The following GALNTL6 variants were observed in gnomAD, a reference collection of about 807,000 sequenced individuals.
The protein encoded by GALNTL6 is polypeptide N-acetylgalactosaminyltransferase like 6.
A neutral mutation model predicts 73.7 loss-of-function variants in GALNTL6; 46 were observed. That is an observed-to-expected ratio of 0.62 (90% CI 0.49 to 0.80). GALNTL6 has a LOEUF of 0.80. Among genes scored for constraint, GALNTL6 ranks in the 30% least tolerant of loss-of-function variants. GALNTL6 has a pLI of 0.00. For missense variants in GALNTL6, 604 were observed against 755.0 expected (o/e 0.80, Z 2.34); for synonymous variants, 259 against 263.7 (o/e 0.98, Z 0.17).
chr4:172,247,217 CAATT>C, intron 3 of GALNTL6, among the ~76,000 whole-genome samples: 1 of 152,130 alleles, frequency 6.6e-6, no homozygotes, highest in Non-Finnish European at 1.5e-5. Flanking sequence ...GCTGCACTGA[CAATT>C]GATGTTTGAC....
chr4:172,369,185 G>A (rs967233231), intron 5 of GALNTL6, among the ~76,000 whole-genome samples: 1 of 152,118 alleles, frequency 6.6e-6, no homozygotes, highest in Non-Finnish European at 1.5e-5. Flanking sequence ...GCTGATTGGT[G>A]CATTTACAAT....
At chr4:172,497,606 T>C (rs1247488373) in intron 5 of GALNTL6, among the ~76,000 whole-genome samples, 1 of 152,262 alleles carries the variant, frequency 6.6e-6, no homozygotes, top group Non-Finnish European at 1.5e-5. Context: ...CTTTCTGTCA[T>C]ACAGAGCAGA....
In GALNTL6 at chr4:172,901,526, C is replaced by T. The variant is rs182128818; in HGVS notation, c.1041+18619C>T. On this transcript the variant is annotated intron_variant, in intron 8 of 12. Coordinates refer to ENST00000506823, the MANE Select transcript of GALNTL6 (RefSeq NM_001034845.3). ...TGAGAGTTTACTAGCCGATTTTAGG[C>T]CATAATATAGAAATTAAGTCCAGAA... Among the ~76,000 whole-genome samples, 39 of 152,146 alleles carry T rather than the reference C, an allele frequency of 2.6e-4. No homozygotes were observed. In the East Asian group the frequency reaches 5.6e-3, roughly 22 times the overall value.
intron 4 of GALNTL6, among the ~76,000 whole-genome samples, chr4:172,345,513 T>C (rs910677401): frequency 6.6e-6 from 1 of 152,188 alleles, no homozygotes; most frequent in Non-Finnish European, 1.5e-5. Context: ...TAAAAACTTA[T>C]TTAAAAGTAT....
intron 2 of GALNTL6, among the ~76,000 whole-genome samples, chr4:171,975,588 A>C (rs1739697151): frequency 6.6e-6 from 1 of 152,158 alleles, no homozygotes; most frequent in African/African-American, 2.4e-5. Context: ...GACATACTAG[A>C]GAAAAGCAAA....
intron 2 of GALNTL6, among the ~76,000 whole-genome samples, chr4:171,971,618 A>G (rs1291541744): frequency 6.6e-6 from 1 of 152,158 alleles, no homozygotes; most frequent in East Asian, 1.9e-4. Flanking sequence ...CCTCTCCAAA[A>G]CATAATTGCC....
intron 2 of GALNTL6, among the ~76,000 whole-genome samples, chr4:172,066,096 A>T (rs1731354409): frequency 6.6e-6 from 1 of 152,192 alleles, no homozygotes; most frequent in African/African-American, 2.4e-5. Context: ...TTGACACATC[A>T]TTATCACCCA....
At chr4:173,033,365 C>T (rs553246743) in intron 12 of GALNTL6, among the ~76,000 whole-genome samples, 24 of 139,710 alleles carry the variant, frequency 1.7e-4, no homozygotes, top group Admixed American at 1.4e-3. Context: ...TTTTCTCCTC[C>T]AGTGAGGAAT....
Position 172,069,564 on chromosome 4 carries a change from A to G in GALNTL6, c.139-160092A>G, listed in dbSNP as rs1396956022. Among the ~76,000 whole-genome samples the G allele has an allele frequency of 1.4e-4, 10 of 70,504 alleles. 2 individuals carry two copies. Among genetic ancestry groups the G allele is most frequent in the African/African-American group, 5.4e-4 (9 of 16,734 alleles). The allele number at this position is 70,504 out of a possible 152,430, so 46.3% of individuals were successfully genotyped here. ...TATATAACACATATATGTTATATAT[A>G]ACACATATATGTTATATATTATATA... On this transcript the variant is annotated intron_variant, in intron 2 of 12. Coordinates refer to ENST00000506823, the MANE Select transcript of GALNTL6 (RefSeq NM_001034845.3).
At chr4:172,256,193 TTTC>T (rs1274534364) in intron 3 of GALNTL6, among the ~76,000 whole-genome samples, 1 of 151,430 alleles carries the variant, frequency 6.6e-6, no homozygotes, top group African/African-American at 2.4e-5. Context: ...AATTTCATTT[TTTC>T]TTCTTCTGTT....
intron 9 of GALNTL6, among the ~76,000 whole-genome samples, chr4:172,935,224 T>C (rs1025855991): frequency 6.6e-6 from 1 of 152,144 alleles, no homozygotes; most frequent in Non-Finnish European, 1.5e-5. Context: ...CCCTCGCCAA[T>C]ACAAGACAAG....
chr4:172,695,257 A>G (rs2111270027), intron 5 of GALNTL6, among the ~76,000 whole-genome samples: 1 of 152,288 alleles, frequency 6.6e-6, no homozygotes, highest in Non-Finnish European at 1.5e-5. Flanking sequence ...CTTGCTAAAA[A>G]CATCCAGGAA....
intron 5 of GALNTL6, among the ~76,000 whole-genome samples, chr4:172,449,389 T>C (rs2111418095): frequency 6.6e-6 from 1 of 152,320 alleles, no homozygotes; most frequent in East Asian, 1.9e-4. Context: ...GAGTTGTTAT[T>C]ACACTTTCTA....
intron 2 of GALNTL6, among the ~76,000 whole-genome samples, chr4:172,014,864 G>A (rs766845276): frequency 1.3e-4 from 20 of 152,044 alleles, no homozygotes; most frequent in Non-Finnish European, 1.5e-4. Context: ...AGTTTCGAAG[G>A]TTCCATTCGG....
chr4:172,250,288 G>A (rs533554364), intron 3 of GALNTL6, among the ~76,000 whole-genome samples: 1 of 152,232 alleles, frequency 6.6e-6, no homozygotes, highest in East Asian at 1.9e-4. Flanking sequence ...ATTGTATCTA[G>A]GAAGTAATTA....
chr4:172,916,624 T>C (rs1458180847), intron 8 of GALNTL6, among the ~76,000 whole-genome samples: 4 of 152,108 alleles, frequency 2.6e-5, no homozygotes, highest in Non-Finnish European at 5.9e-5. Context: ...GAGAGCCAAA[T>C]CATGAGTGAA....
intron 2 of GALNTL6, among the ~76,000 whole-genome samples, chr4:172,085,610 A>T (rs181969335): frequency 2.0e-5 from 3 of 152,170 alleles, no homozygotes; most frequent in African/African-American, 7.2e-5. Flanking sequence ...TTAAGGCAGA[A>T]GCATATTAAT....
intron 5 of GALNTL6, among the ~76,000 whole-genome samples, chr4:172,798,869 T>C (rs1204226137): frequency 6.6e-6 from 1 of 152,254 alleles, no homozygotes; most frequent in East Asian, 1.9e-4. Flanking sequence ...ACTGGTTCTT[T>C]TTATCATTTT....
chr4:172,335,137 C>T (rs568548852), intron 4 of GALNTL6, among the ~76,000 whole-genome samples: 6 of 152,038 alleles, frequency 3.9e-5, no homozygotes, highest in South Asian at 2.1e-4. Flanking sequence ...TTAGTAGAGA[C>T]GGGTTTCACC....
Sources: gnomAD v4.1 joint callset for allele counts (sites outside exome capture counted in the v4.1 genomes callset) on GRCh38, gnomAD v4.1.1 for gene constraint, MANE v1.5 for transcripts, NCBI Gene and HGNC (gene_info 2026-07-23, HGNC 2026-07-21) for gene names.